Variants in ZNF106 observed in about 807,000 individuals in gnomAD.
ZNF106 encodes SH3-domain binding protein 3.
ZNF106 carries 67 observed loss-of-function variants against 195.1 expected under a neutral mutation model. The observed-to-expected ratio is 0.34, with a 90% CI of 0.28 to 0.42. The LOEUF is 0.42. Ranked by LOEUF, ZNF106 falls within the 10% of genes least tolerant of loss-of-function variation. The pLI, the probability that ZNF106 is intolerant of heterozygous loss-of-function variation, is 1.00. For missense variants in ZNF106, 2,118 were observed against 2,304.5 expected (o/e 0.92, Z 1.66); for synonymous variants, 784 against 818.6 (o/e 0.96, Z 0.72).
rs567481849 is a variant in ZNF106 at position 42,429,417 on chromosome 15, C to T, written c.4882-1283G>A. On this transcript the variant is annotated intron_variant, in intron 14 of 21. Transcript: ENST00000564754. The stretch of plus-strand genomic sequence containing the variant: ...TCAGGTCACCACACTCCAGCCTGGG[C>T]GACACAGCGAGACCCCGTCTCAATT... 7.3e-5 allele frequency among the ~76,000 whole-genome samples: 11 copies of T among 150,458 alleles called. 1 individual carries two copies. Among genetic ancestry groups the T allele is most frequent in the African/African-American group, 2.0e-4 (8 of 40,740 alleles).
chr15:42,460,082 TCTAA>T (rs1170157947), intron 3 of ZNF106, among the ~76,000 whole-genome samples: 6 of 151,846 alleles, frequency 4.0e-5, no homozygotes, highest in Non-Finnish European at 7.4e-5. Flanking sequence ...CTTAAAACTC[TCTAA>T]AACTATGGAA....
At position 42,444,869 on chromosome 15, in the gene ZNF106, T is replaced by C; in HGVS notation, c.3318A>G (p.Thr1106=). 2 of 1,614,170 alleles carry C rather than the reference T, an allele frequency of 1.2e-6. No homozygotes were observed. Among genetic ancestry groups the C allele is most frequent in the Non-Finnish European group, 1.7e-6 (2 of 1,180,020 alleles). ...NLLQARAALQ[T]AYVEVQRLLM... ...GTAGCCTCTGAACTTCCACATAAGC[T>C]GTCTGAAGGGCTGCACGGGCTTGCA... The change falls in exon 8 of 22, where the codon ACA becomes ACG. Residue 1106 remains threonine, a synonymous_variant. Transcript: ENST00000564754.
chr15:42,469,439 A>T (rs896685298), intron 2 of ZNF106, among the ~76,000 whole-genome samples: 6 of 152,118 alleles, frequency 3.9e-5, no homozygotes, highest in Non-Finnish European at 7.4e-5. Flanking sequence ...TGTTTTTTTT[A>T]AAACACTTCA....
Position 42,446,566 on chromosome 15 carries a change from T to C in ZNF106, c.3205+23A>G, listed in dbSNP as rs138106474. On this transcript the variant is annotated intron_variant, in intron 7 of 21. Transcript: ENST00000564754. ...AAACCAAAAAACACCAACTTCTTTCTTCCAAAATATTCTGCACCATACCTT... is the reference window on the plus strand; with the variant it reads ...AAACCAAAAAACACCAACTTCTTTCCTCCAAAATATTCTGCACCATACCTT... 1.6e-4 allele frequency: 249 copies of C among 1,570,282 alleles called. 1 individual carries two copies. The African/African-American group carries it at 3.1e-3, about 19-fold the overall frequency.
At chr15:42,484,062 A>G (rs2056959505) in intron 1 of ZNF106, among the ~76,000 whole-genome samples, 1 of 152,178 alleles carries the variant, frequency 6.6e-6, no homozygotes, top group African/African-American at 2.4e-5. Flanking sequence ...CTTTTTTCCT[A>G]AAACATATCA....
Position 42,448,192 on chromosome 15 carries a change from T to C in ZNF106, c.3015A>G (p.Ser1005=), listed in dbSNP as rs145364176. The C allele has an allele frequency of 1.4e-5, 22 of 1,614,084 alleles. No individual in the cohort carries two copies. The highest frequency in any genetic ancestry group is 1.8e-5 in the Non-Finnish European group (21 of 1,180,034). Residue 1005 remains serine, a synonymous_variant, in exon 6 of 22, where the codon TCA becomes TCG. Coordinates refer to ENST00000564754, the MANE Select transcript of ZNF106 (RefSeq NM_001366845.3). ...ESNGEGNCLS[S]SASSALAISS... ...AGATCGCAAGGGCTGAGGATGCGCT[T>C]GATGACAGACAGTTTCCCTCTCCAT...
chr15:42,481,971 G>T (rs887802998), intron 1 of ZNF106, among the ~76,000 whole-genome samples: 1 of 151,962 alleles, frequency 6.6e-6, no homozygotes, highest in Non-Finnish European at 1.5e-5. Context: ...TCAATTAAAT[G>T]TGCTAGGTTT....
intron 5 of ZNF106, among the ~76,000 whole-genome samples, 162 bp from the exon 6 acceptor site, chr15:42,448,867 T>C (rs1046515019): frequency 6.6e-6 from 1 of 152,168 alleles, no homozygotes; most frequent in Non-Finnish European, 1.5e-5. Flanking sequence ...CAGATATAAA[T>C]ATATTACGTT....
chr15:42,480,913 A>G (rs1227685171), intron 1 of ZNF106, among the ~76,000 whole-genome samples: 1 of 152,184 alleles, frequency 6.6e-6, no homozygotes, highest in Non-Finnish European at 1.5e-5. Context: ...TGAACCCAGG[A>G]GGCAGAGGTT....
intron 1 of ZNF106, among the ~76,000 whole-genome samples, chr15:42,489,444 T>C (rs980873853): frequency 6.6e-6 from 1 of 152,064 alleles, no homozygotes; most frequent in Admixed American, 6.5e-5. Flanking sequence ...CCCAGAGTGC[T>C]GGGATTACAG....
chr15:42,462,614 A>G (rs549988651), intron 3 of ZNF106, among the ~76,000 whole-genome samples: 1 of 152,288 alleles, frequency 6.6e-6, no homozygotes, highest in African/African-American at 2.4e-5. Context: ...ATAAATAAAT[A>G]AATAAGTACG....
At chr15:42,448,762 A>G in intron 5 of ZNF106, 57 bp from the exon 6 acceptor site, 5 of 1,512,376 alleles carry the variant, frequency 3.3e-6, no homozygotes, top group Non-Finnish European at 4.4e-6. Context: ...TGGGAGGGGC[A>G]TTATTTTTTA....
At position 42,421,221 on chromosome 15, in the gene ZNF106, A is replaced by T; in HGVS notation, c.5446-89T>A. ...ACAAGAGTCACAAGCTCCTTGCAGC[A>T]GCTACAAGAAAACAAACACCTAAAT... On this transcript the variant is annotated intron_variant, in intron 19 of 21. Transcript: ENST00000564754. 4 of 1,214,478 alleles carry T rather than the reference A, an allele frequency of 3.3e-6. No individual in the cohort carries two copies. The South Asian group carries it at 4.8e-5, about 15-fold the overall frequency. 75.2% of individuals were successfully genotyped at this position (1,214,478 alleles called of 1,614,324 possible).
At position 42,450,915 on chromosome 15, in the gene ZNF106, T is replaced by A; in HGVS notation, c.1357A>T (p.Arg453Ter). 6.2e-7 allele frequency: 1 copy of A among 1,614,190 alleles called. No individual in the cohort carries two copies. Among genetic ancestry groups the A allele is most frequent in the Non-Finnish European group, 8.5e-7 (1 of 1,180,034 alleles). ...GGTTTTTCTGCAGTGGGGCACTGTC[T>A]CACCACCTCGAAGGAAGCAGCGGAA... The part of the protein sequence containing the change: ...SDSAASFEVV[R>*]QCPTAEKPEQ... The change falls in exon 5 of 22, where the codon AGA becomes TGA. Residue 453 changes from arginine (R) to a stop codon, truncating the protein, a stop_gained. Transcript: ENST00000564754. LOFTEE classifies it high-confidence loss of function.
At position 42,450,014 on chromosome 15, in the gene ZNF106, C is replaced by T. The variant is rs1407118535; in HGVS notation, c.2258G>A (p.Arg753Lys). The change falls in exon 5 of 22, where the codon AGG becomes AAG. Residue 753 changes from arginine to lysine, a missense_variant. By Grantham distance (26) the Arg-to-Lys change is conservative (BLOSUM62 2). Transcript: ENST00000564754. ...SKLGFPASLQ[R>K]DLTRHISLKS... ...CAAACTAATGTGCCGGGTTAGATCC[C>T]TCTGAAGTGAGGCAGGAAAGCCAAG... The T allele has an allele frequency of 6.2e-7, 1 of 1,614,080 alleles. No homozygotes were observed. The highest frequency in any genetic ancestry group is 2.2e-5 in the East Asian group (1 of 44,896).
intron 7 of ZNF106, among the ~76,000 whole-genome samples, chr15:42,445,943 T>C (rs1427276852): frequency 6.6e-6 from 1 of 152,086 alleles, no homozygotes; most frequent in Non-Finnish European, 1.5e-5. Flanking sequence ...GAAGGGAGTG[T>C]GGAGGTGGGG....
chr15:42,473,124 A>C (rs532644527), intron 1 of ZNF106, among the ~76,000 whole-genome samples: 1 of 152,186 alleles, frequency 6.6e-6, no homozygotes, highest in East Asian at 1.9e-4. Flanking sequence ...TTGGGTGTCA[A>C]CATGATGCTC....
intron 3 of ZNF106, 92 bp from the exon 4 acceptor site, chr15:42,457,250 C>T (rs1416291006): frequency 1.3e-6 from 2 of 1,563,648 alleles, no homozygotes; most frequent in Non-Finnish European, 8.7e-7. Context: ...AAGGACACTG[C>T]ACACTTTGGC....
intron 5 of ZNF106, 109 bp downstream of exon 5, chr15:42,449,662 G>A (rs1443844076): frequency 2.9e-6 from 4 of 1,402,952 alleles, no homozygotes; most frequent in Non-Finnish European, 1.9e-6. Flanking sequence ...AACAGATATT[G>A]TTGGCAAACA....
Sources: gnomAD v4.1 joint callset for allele counts (sites outside exome capture counted in the v4.1 genomes callset) on GRCh38, gnomAD v4.1.1 for gene constraint, MANE v1.5 for transcripts, NCBI Gene and HGNC (gene_info 2026-07-23, HGNC 2026-07-21) for gene names.